The following ARL14EP variants were observed in gnomAD, a reference collection of about 807,000 sequenced individuals.
ARL14EP encodes ARL14 effector protein.
Under a neutral mutation model 23.1 loss-of-function variants are expected in ARL14EP, and 12 were observed. The ratio of observed to expected loss-of-function variants is 0.52; its 90% CI spans 0.33 to 0.84. The LOEUF is 0.84. Ranked by LOEUF, ARL14EP falls within the 40% of genes least tolerant of loss-of-function variation. The pLI is 0.02. For missense variants in ARL14EP, 253 were observed against 307.3 expected (o/e 0.82, Z 1.32); for synonymous variants, 97 against 102.0 (o/e 0.95, Z 0.29).
chr11:30,331,437 A>T, intron 2 of ARL14EP, 63 bp downstream of exon 2: 1 of 1,606,926 alleles, frequency 6.2e-7, no homozygotes, highest in Non-Finnish European at 8.5e-7. Flanking sequence ...TTGCTTAACT[A>T]TAAGAAAATC....
At chr11:30,332,051 A>C (rs1228015153) in intron 2 of ARL14EP, among the ~76,000 whole-genome samples, 1 of 152,092 alleles carries the variant, frequency 6.6e-6, no homozygotes, top group African/African-American at 2.4e-5. Flanking sequence ...TATCAGAACA[A>C]CTTAAGTTTT....
chr11:30,331,438 T>C, intron 2 of ARL14EP, 64 bp downstream of exon 2: 1 of 1,606,176 alleles, frequency 6.2e-7, no homozygotes, highest in Non-Finnish European at 8.5e-7. Context: ...TGCTTAACTA[T>C]AAGAAAATCA....
intron 2 of ARL14EP, 120 bp downstream of exon 2, chr11:30,331,494 GA>G: frequency 6.6e-7 from 1 of 1,526,246 alleles, no homozygotes; most frequent in Non-Finnish European, 8.8e-7. Flanking sequence ...GAATTAAAAG[GA>G]GGGGTGAAAG....
At position 30,331,016 on chromosome 11, in the gene ARL14EP, C is replaced by T; in HGVS notation, c.68C>T (p.Thr23Ile). Residue 23 changes from threonine (T) to isoleucine (I), a missense_variant, in exon 2 of 4, where the codon ACT (threonine) becomes ATT (isoleucine). Physicochemically the swap from Thr to Ile is moderately conservative, Grantham distance 89. Transcript: ENST00000282032. Reference protein sequence around the residue: ...TTNECHKTYYTRHTGFKTLQE... With the variant: ...TTNECHKTYYIRHTGFKTLQE... ...AATGAGTGCCATAAAACCTACTATA[C>T]TCGTCACACAGGTTTTAAGACTTTG... 6.2e-7 allele frequency: 1 copy of T among 1,613,896 alleles called. No individual in the cohort carries two copies. Among genetic ancestry groups the T allele is most frequent in the Non-Finnish European group, 8.5e-7 (1 of 1,179,812 alleles).
intron 1 of ARL14EP, among the ~76,000 whole-genome samples, chr11:30,326,166 A>G (rs989781782): frequency 9.2e-5 from 14 of 152,204 alleles, no homozygotes; most frequent in African/African-American, 3.1e-4. Flanking sequence ...TATAGAAGAT[A>G]TCAAAACATT....
Position 30,336,502 on chromosome 11 carries a change from G to A in ARL14EP, c.555-65G>A, listed in dbSNP as rs185906870. ...TTTTATCTCCTTTTTTTTTTTTACT[G>A]TATTTTCAATTAAATCAAAAATAAC... On this transcript the variant is annotated intron_variant, in intron 3 of 3. Transcript: ENST00000282032. 1,517 of 1,247,474 alleles carry A rather than the reference G, an allele frequency of 1.2e-3. 16 individuals are homozygous for A. The African/African-American group carries it at 0.022, about 18-fold the overall frequency. 77.3% of individuals were successfully genotyped at this position (1,247,474 alleles called of 1,614,324 possible). A position where few individuals can be genotyped will look rare whatever the true frequency, so the allele number is the denominator to read the frequency against.
rs1947348454 is a variant in ARL14EP at position 30,338,071 on chromosome 11, T to G, written c.*1276T>G. 6.6e-6 allele frequency: 1 copy of G among 152,214 alleles called. No homozygotes were observed. 9.4% of individuals were successfully genotyped at this position (152,214 alleles called of 1,614,324 possible). On this transcript the variant is annotated 3_prime_UTR_variant, in exon 4 of 4. Transcript: ENST00000282032. Reference sequence around the variant, plus strand: ...AGTACCATGTGAAATGAGGATCGCTTGTAGCTGGGAACAGTGCTTACTTCA... The same window carrying G: ...AGTACCATGTGAAATGAGGATCGCTGGTAGCTGGGAACAGTGCTTACTTCA...
chr11:30,324,530 G>C (rs1032876292), intron 1 of ARL14EP, among the ~76,000 whole-genome samples: 4 of 152,094 alleles, frequency 2.6e-5, no homozygotes. Context: ...GTTAGTGGCT[G>C]TTTTGCTGTT....
rs1458069811 is a variant in ARL14EP, at chr11:30,333,004, T to C, written c.554+11T>C. 4 of 1,612,272 alleles carry C rather than the reference T, an allele frequency of 2.5e-6. No homozygotes were observed. In the South Asian group the frequency reaches 4.4e-5, roughly 18 times the overall value. ...CGCTGGTTCAGACAGGTAGGCTAAG[T>C]GTTACTGAAGACATGTTAACTTGCT... On this transcript the variant is annotated intron_variant, in intron 3 of 3. Coordinates refer to ENST00000282032, the MANE Select transcript of ARL14EP (RefSeq NM_152316.3).
chr11:30,332,105 C>T (rs1947289895), intron 2 of ARL14EP, among the ~76,000 whole-genome samples: 1 of 152,020 alleles, frequency 6.6e-6, no homozygotes, highest in Admixed American at 6.6e-5. Context: ...CAAAGAAGCA[C>T]ATCTCAGAAT....
At chr11:30,332,071 A>G (rs1590668317) in intron 2 of ARL14EP, among the ~76,000 whole-genome samples, 1 of 152,122 alleles carries the variant, frequency 6.6e-6, no homozygotes, top group Admixed American at 6.5e-5. Flanking sequence ...TCATAAAGCT[A>G]TCTTTTGTGT....
At chr11:30,330,609 G>A (rs1947274226) in intron 1 of ARL14EP, 1 of 236,664 alleles carries the variant, frequency 4.2e-6, no homozygotes, top group Admixed American at 5.2e-5. Context: ...TAAACCTCTT[G>A]TATTTCTCAT....
intron 1 of ARL14EP, among the ~76,000 whole-genome samples, chr11:30,324,902 A>G (rs1020637334): frequency 2.6e-5 from 4 of 152,228 alleles, no homozygotes; most frequent in Admixed American, 1.3e-4. Context: ...TAATCTTAGA[A>G]TACAAAACAT....
chr11:30,326,159 A>G (rs1448406694), intron 1 of ARL14EP, among the ~76,000 whole-genome samples: 2 of 152,236 alleles, frequency 1.3e-5, no homozygotes, highest in Admixed American at 6.5e-5. Flanking sequence ...TATAAAATAT[A>G]GAAGATATCA....
At chr11:30,325,453 T>C (rs760262102) in intron 1 of ARL14EP, among the ~76,000 whole-genome samples, 1 of 152,106 alleles carries the variant, frequency 6.6e-6, no homozygotes, top group Non-Finnish European at 1.5e-5. Context: ...TTATAGCTAA[T>C]AAGGAGCCAG....
chr11:30,329,737 A>G (rs1408946808), intron 1 of ARL14EP: 4 of 152,036 alleles, frequency 2.6e-5, no homozygotes, highest in Non-Finnish European at 5.9e-5. Context: ...GAATTGCCTG[A>G]CTATATTTGT....
chr11:30,325,831 C>T (rs894385786), intron 1 of ARL14EP, among the ~76,000 whole-genome samples: 9 of 152,152 alleles, frequency 5.9e-5, no homozygotes, highest in Non-Finnish European at 1.5e-5. Context: ...CACAGTCAGA[C>T]GGAAGTCCAT....
intron 1 of ARL14EP, among the ~76,000 whole-genome samples, chr11:30,327,004 A>C (rs547457672): frequency 1.3e-5 from 2 of 152,346 alleles, no homozygotes; most frequent in South Asian, 4.1e-4. Flanking sequence ...CAAATCTAAC[A>C]GGGCATCCTG....
chr11:30,326,641 C>A (rs777559463), intron 1 of ARL14EP, among the ~76,000 whole-genome samples: 6 of 152,086 alleles, frequency 3.9e-5, no homozygotes, highest in Non-Finnish European at 5.9e-5. Context: ...GGAGGAACAA[C>A]CAGAGGGTGT....
Sources: gnomAD v4.1 joint callset for allele counts (sites outside exome capture counted in the v4.1 genomes callset) on GRCh38, gnomAD v4.1.1 for gene constraint, MANE v1.5 for transcripts, NCBI Gene and HGNC (gene_info 2026-07-23, HGNC 2026-07-21) for gene names.